Variants in SIK3 observed in about 807,000 individuals in gnomAD.
SIK3 encodes SIK family kinase 3, also known as serine/threonine-protein kinase SIK3.
Under a neutral mutation model 144.2 loss-of-function variants are expected in SIK3, and 28 were observed. The ratio of observed to expected loss-of-function variants is 0.19; its 90% CI spans 0.14 to 0.27. SIK3 has a LOEUF of 0.27. Among genes scored for constraint, SIK3 ranks in the 10% least tolerant of loss-of-function variants. The pLI, the probability that SIK3 is intolerant of heterozygous loss-of-function variation, is 1.00. For synonymous variants in SIK3, 686 were observed against 676.3 expected (o/e 1.01, Z -0.22); for missense variants, 1,319 against 1,776.0 (o/e 0.74, Z 4.62).
chr11:117,055,358 T>A (rs1231744982), intron 1 of SIK3, among the ~76,000 whole-genome samples: 1 of 152,246 alleles, frequency 6.6e-6, no homozygotes, highest in African/African-American at 2.4e-5. Flanking sequence ...TTACACACAT[T>A]ATTCATTTAC....
At chr11:116,946,425 A>G (rs1300523499) in intron 3 of SIK3, among the ~76,000 whole-genome samples, 1 of 152,120 alleles carries the variant, frequency 6.6e-6, no homozygotes, top group Non-Finnish European at 1.5e-5. Context: ...CCAAGCCCTA[A>G]TTTTCACAGG....
chr11:117,011,679 C>T (rs192799559), intron 1 of SIK3, among the ~76,000 whole-genome samples: 2 of 152,220 alleles, frequency 1.3e-5, no homozygotes, highest in African/African-American at 4.8e-5. Context: ...GAACAACTAC[C>T]ACAAAATAAG....
intron 4 of SIK3, among the ~76,000 whole-genome samples, chr11:116,897,749 G>T (rs1311292146): frequency 6.6e-6 from 1 of 152,180 alleles, no homozygotes; most frequent in Non-Finnish European, 1.5e-5. Flanking sequence ...CGGGCGTGGT[G>T]GCGTGCGCCT....
chr11:116,988,340 G>C (rs1328677410), intron 1 of SIK3, among the ~76,000 whole-genome samples: 3 of 151,798 alleles, frequency 2.0e-5, no homozygotes, highest in Admixed American at 2.0e-4. Flanking sequence ...GAGCCGAGAT[G>C]GCGCCACTGC....
At chr11:117,043,968 T>C (rs976818847) in intron 1 of SIK3, among the ~76,000 whole-genome samples, 3 of 152,252 alleles carry the variant, frequency 2.0e-5, no homozygotes, top group Non-Finnish European at 2.9e-5. Flanking sequence ...TAAAAACTTA[T>C]GTCAAATGAC....
At chr11:116,861,517 C>T in intron 18 of SIK3, 134 bp from the exon 19 acceptor site, 1 of 665,220 alleles carries the variant, frequency 1.5e-6, no homozygotes, top group Non-Finnish European at 2.5e-6. Flanking sequence ...GAAAAATATA[C>T]ATAAGCCATC....
Position 116,867,719 on chromosome 11 carries a change from G to A in SIK3, c.1952+227C>T, listed in dbSNP as rs539610213. The stretch of plus-strand genomic sequence containing the variant: ...GGGAATCAAATGCAGACAATAAACA[G>A]GTCTGCAAGGTAATGGGAGAGAGGA... On this transcript the variant is annotated intron_variant, in intron 15 of 24. Coordinates refer to ENST00000445177, the MANE Select transcript of SIK3 (RefSeq NM_001366686.3). This position sits in a 1 kb window ranked among gnomAD's most constrained non-coding sequence, Gnocchi z 4.1. 1.7e-3 allele frequency: 678 copies of A among 405,924 alleles called. 1 individual carries two copies. The highest frequency in any genetic ancestry group is 2.5e-3 in the Non-Finnish European group (573 of 229,338). 25.1% of individuals were successfully genotyped at this position (405,924 alleles called of 1,614,324 possible).
intron 2 of SIK3, among the ~76,000 whole-genome samples, chr11:116,956,634 TG>T (rs1449588722): frequency 6.6e-6 from 1 of 152,212 alleles, no homozygotes. Context: ...GTTAGAACTC[TG>T]AACTAAATAA....
intron 1 of SIK3, among the ~76,000 whole-genome samples, chr11:117,024,658 G>C (rs772124458): frequency 6.6e-6 from 1 of 152,076 alleles, no homozygotes; most frequent in Non-Finnish European, 1.5e-5. Flanking sequence ...CCAGCACTTC[G>C]GGAGGCCAAG....
chr11:117,016,627 A>T (rs1365338078), intron 1 of SIK3, among the ~76,000 whole-genome samples: 1 of 152,210 alleles, frequency 6.6e-6, no homozygotes, highest in African/African-American at 2.4e-5. Flanking sequence ...CAGCCTGAGC[A>T]AAACAGCAAG....
chr11:116,866,587 G>A (rs1291971596), intron 15 of SIK3, among the ~76,000 whole-genome samples: 2 of 151,992 alleles, frequency 1.3e-5, no homozygotes, highest in Non-Finnish European at 2.9e-5. Flanking sequence ...GACTACAGAC[G>A]CCCACCGCCA....
At chr11:116,996,048 C>T (rs569103629) in intron 1 of SIK3, among the ~76,000 whole-genome samples, 52 of 152,066 alleles carry the variant, frequency 3.4e-4, no homozygotes, top group Non-Finnish European at 6.5e-4. Context: ...TGGTTCATGC[C>T]TATAATCCCA....
intron 1 of SIK3, among the ~76,000 whole-genome samples, chr11:116,965,769 ATATATATATATAT>A (rs1565507716): frequency 5.3e-5 from 4 of 75,182 alleles, no homozygotes; most frequent in South Asian, 4.1e-4. Context: ...ATATATATAT[ATATATATATATAT>A]AAATTAGCCA....
chr11:117,070,752 CTT>C (rs368884148), intron 1 of SIK3, among the ~76,000 whole-genome samples: 39 of 128,120 alleles, frequency 3.0e-4, no homozygotes, highest in African/African-American at 5.7e-4. Flanking sequence ...GGCCCTTTTT[CTT>C]TTTTTTTTTT....
In SIK3 at chr11:116,875,458, A is replaced by G. The variant is rs764526764; in HGVS notation, c.1240-7T>C. The stretch of plus-strand genomic sequence containing the variant: ...CAGTACCTGCCTGCTCCGCCTGGAA[A>G]GCAGTACATACATATACACGCATAC... On this transcript the variant is annotated splice_region_variant and splice_polypyrimidine_tract_variant and intron_variant, in intron 9 of 24. Coordinates refer to ENST00000445177, the MANE Select transcript of SIK3 (RefSeq NM_001366686.3). 1 of 1,613,900 alleles carries G rather than the reference A, an allele frequency of 6.2e-7. No homozygotes were observed. Among genetic ancestry groups the G allele is most frequent in the South Asian group, 1.1e-5 (1 of 91,000 alleles).
chr11:117,068,696 G>T (rs1954127810), intron 1 of SIK3, among the ~76,000 whole-genome samples: 1 of 152,234 alleles, frequency 6.6e-6, no homozygotes, highest in South Asian at 2.1e-4. Flanking sequence ...TGAGGCCACA[G>T]TGAGCCATAA....
At chr11:117,039,584 T>G (rs1952654250) in intron 1 of SIK3, among the ~76,000 whole-genome samples, 2 of 152,264 alleles carry the variant, frequency 1.3e-5, no homozygotes, top group Non-Finnish European at 2.9e-5. Context: ...ACAGACTTAA[T>G]GCTTTAGCTG....
intron 1 of SIK3, among the ~76,000 whole-genome samples, chr11:117,070,741 CG>C (rs1954232687): frequency 6.7e-6 from 1 of 149,132 alleles, no homozygotes; most frequent in Non-Finnish European, 1.5e-5. Context: ...CCACTGCGCC[CG>C]GCCCTTTTTC....
At chr11:117,066,888 A>G (rs749549078) in intron 1 of SIK3, among the ~76,000 whole-genome samples, 1 of 152,222 alleles carries the variant, frequency 6.6e-6, no homozygotes, top group Non-Finnish European at 1.5e-5. Flanking sequence ...TTCACCAAAG[A>G]AGATACACAG....
Sources: gnomAD v4.1 joint callset for allele counts (sites outside exome capture counted in the v4.1 genomes callset) on GRCh38, gnomAD v4.1.1 for gene constraint, Gnocchi (gnomAD v3.1) non-coding constraint, MANE v1.5 for transcripts, NCBI Gene and HGNC (gene_info 2026-07-23, HGNC 2026-07-21) for gene names.